ETV6: variants seen among roughly 807,000 people sequenced by gnomAD.
The protein encoded by ETV6 is ETS variant transcription factor 6.
ETV6 carries 16 observed loss-of-function variants against 51.1 expected under a neutral mutation model. The ratio of observed to expected loss-of-function variants is 0.31; its 90% CI spans 0.21 to 0.48. The LOEUF (loss-of-function observed/expected upper bound fraction) is 0.48, where lower values mean the gene tolerates loss of function less well. Ranked by LOEUF, ETV6 falls within the 20% of genes least tolerant of loss-of-function variation. ETV6 has a pLI of 0.99. For missense variants in ETV6, 458 were observed against 594.8 expected (o/e 0.77, Z 2.39); for synonymous variants, 240 against 224.1 (o/e 1.07, Z -0.64).
chr12:11,729,702 C>G (rs1200172365), intron 1 of ETV6, among the ~76,000 whole-genome samples: 2 of 152,190 alleles, frequency 1.3e-5, no homozygotes, highest in African/African-American at 4.8e-5. Context: ...TGGTTAGATA[C>G]TACCTTGACC....
chr12:11,876,686 G>A (rs1047439921), intron 5 of ETV6, among the ~76,000 whole-genome samples: 2 of 152,082 alleles, frequency 1.3e-5, no homozygotes, highest in South Asian at 2.1e-4. Context: ...ACAGATTTAC[G>A]TGTTCAAAGG....
chr12:11,811,528 G>T (rs1178599548), intron 2 of ETV6, among the ~76,000 whole-genome samples: 1 of 152,084 alleles, frequency 6.6e-6, no homozygotes, highest in Non-Finnish European at 1.5e-5. Flanking sequence ...CAGGGAGATG[G>T]CTCATTAAGC....
At chr12:11,883,477 T>G (rs897678201) in intron 5 of ETV6, among the ~76,000 whole-genome samples, 1 of 151,762 alleles carries the variant, frequency 6.6e-6, no homozygotes, top group Non-Finnish European at 1.5e-5. Flanking sequence ...GTATTTTTAG[T>G]AGAGACGGGG....
intron 4 of ETV6, among the ~76,000 whole-genome samples, chr12:11,859,112 G>A: frequency 8.2e-6 from 1 of 122,284 alleles, no homozygotes; most frequent in Admixed American, 9.3e-5. Flanking sequence ...TGAGGTATAT[G>A]AATCTGGTTT....
At chr12:11,680,434 G>C (rs917667238) in intron 1 of ETV6, among the ~76,000 whole-genome samples, 1 of 152,126 alleles carries the variant, frequency 6.6e-6, no homozygotes, top group Non-Finnish European at 1.5e-5. Flanking sequence ...TCTCCCCTTA[G>C]TGATGGTGCT....
At chr12:11,842,962 T>G (rs1033080122) in intron 3 of ETV6, among the ~76,000 whole-genome samples, 1 of 152,210 alleles carries the variant, frequency 6.6e-6, no homozygotes. Context: ...TGATCTGCAG[T>G]TGGACATCTA....
chr12:11,799,280 T>C (rs1945715577), intron 2 of ETV6, among the ~76,000 whole-genome samples: 1 of 152,234 alleles, frequency 6.6e-6, no homozygotes, highest in Non-Finnish European at 1.5e-5. Context: ...CAACCTCCTT[T>C]ACTGCCATCC....
chr12:11,657,820 C>G (rs1186431574), intron 1 of ETV6, among the ~76,000 whole-genome samples: 1 of 152,248 alleles, frequency 6.6e-6, no homozygotes, highest in Non-Finnish European at 1.5e-5. Flanking sequence ...TTTTGACTTA[C>G]ATTTTCTTCT....
intron 2 of ETV6, among the ~76,000 whole-genome samples, chr12:11,793,410 T>C (rs1945633326): frequency 6.6e-6 from 1 of 152,254 alleles, no homozygotes; most frequent in South Asian, 2.1e-4. Flanking sequence ...CATAGGACTT[T>C]ATGTCCTGGA....
chr12:11,659,265 C>G (rs1864055742), intron 1 of ETV6, among the ~76,000 whole-genome samples: 1 of 152,182 alleles, frequency 6.6e-6, no homozygotes, highest in South Asian at 2.1e-4. Flanking sequence ...TGCTGTGGAC[C>G]TAAATTCGAT....
At position 11,891,762 on chromosome 12, in the gene ETV6, A is replaced by C; in HGVS notation, c.*716A>C. ...TTCAGCCTCTTGGAGAGTCTTGGGG[A>C]TTGTTGGCACCTAAACAGAATCAGT... is the stretch of plus-strand genomic sequence containing the variant. On this transcript the variant is annotated 3_prime_UTR_variant, in exon 8 of 8. Transcript: ENST00000396373. The C allele has an allele frequency of 2.6e-6, 1 of 380,890 alleles. No individual in the cohort carries two copies. The highest frequency in any genetic ancestry group is 5.1e-6 in the Non-Finnish European group (1 of 197,720). 23.6% of individuals were successfully genotyped at this position (380,890 alleles called of 1,614,324 possible).
intron 2 of ETV6, 85 bp downstream of exon 2, chr12:11,752,664 C>A: frequency 6.6e-7 from 1 of 1,516,152 alleles, no homozygotes; most frequent in Non-Finnish European, 8.9e-7. Context: ...CAGAGAGGGG[C>A]AAGCTCTGAG....
intron 1 of ETV6, among the ~76,000 whole-genome samples, chr12:11,716,330 C>CAAAAAAAAAAAAAAAAAAAAAAAAAAA (rs3049068): frequency 1.7e-5 from 1 of 58,094 alleles, no homozygotes; most frequent in Admixed American, 2.7e-4. Flanking sequence ...GACTCCTTCT[C>CAAAAAAAAAAAAAAAAAAAAAAAAAAA]AAAAAAAAAA....
intron 1 of ETV6, among the ~76,000 whole-genome samples, chr12:11,725,063 A>G (rs1348717898): frequency 2.0e-5 from 3 of 151,878 alleles, no homozygotes; most frequent in Non-Finnish European, 4.4e-5. Context: ...CCACTTCCCC[A>G]TCAGCTTCAC....
rs564391339 is a variant in ETV6, at chr12:11,811,106, G to A, written c.164-28034G>A. Among the ~76,000 whole-genome samples, 10 of 152,242 alleles carry A rather than the reference G, an allele frequency of 6.6e-5. No individual in the cohort carries two copies. The South Asian group carries it at 2.1e-3, about 32-fold the overall frequency. On this transcript the variant is annotated intron_variant, in intron 2 of 7. Coordinates refer to ENST00000396373, the MANE Select transcript of ETV6 (RefSeq NM_001987.5). ...ATTCTTTTCAGGGTTTTTCCCCCCTGTGTTTTTTGTCTTCTCTAACTCAAA... is the reference window on the plus strand; with the variant it reads ...ATTCTTTTCAGGGTTTTTCCCCCCTATGTTTTTTGTCTTCTCTAACTCAAA...
At chr12:11,717,094 G>A (rs557744395) in intron 1 of ETV6, among the ~76,000 whole-genome samples, 1 of 152,304 alleles carries the variant, frequency 6.6e-6, no homozygotes, top group African/African-American at 2.4e-5. Context: ...GAGCCTCAGG[G>A]AAAGCTTTAT....
At chr12:11,772,563 G>A (rs1170062391) in intron 2 of ETV6, among the ~76,000 whole-genome samples, 2 of 152,168 alleles carry the variant, frequency 1.3e-5, no homozygotes, top group African/African-American at 2.4e-5. Flanking sequence ...AATCTTTGGG[G>A]TATAGGGGAG....
At chr12:11,749,984 G>A (rs1387141169) in intron 1 of ETV6, among the ~76,000 whole-genome samples, 1 of 152,224 alleles carries the variant, frequency 6.6e-6, no homozygotes, top group Non-Finnish European at 1.5e-5. Context: ...CAGCTGAGTA[G>A]AAACCATCAT....
chr12:11,673,260 G>A (rs1015478844), intron 1 of ETV6, among the ~76,000 whole-genome samples: 3 of 152,116 alleles, frequency 2.0e-5, no homozygotes, highest in South Asian at 2.1e-4. Flanking sequence ...GGGATTTGGC[G>A]GGGCAGGATG....
Sources: gnomAD v4.1 joint callset for allele counts (sites outside exome capture counted in the v4.1 genomes callset) on GRCh38, gnomAD v4.1.1 for gene constraint, MANE v1.5 for transcripts, NCBI Gene and HGNC (gene_info 2026-07-23, HGNC 2026-07-21) for gene names.